KIF3A: variants seen among roughly 807,000 people sequenced by gnomAD.
KIF3A encodes kinesin family member 3A.
In KIF3A, 27 loss-of-function variants were observed where a neutral mutation model predicts 92.6. The observed-to-expected ratio is 0.29, with a 90% CI of 0.21 to 0.40. KIF3A has a LOEUF of 0.40. Among genes scored for constraint, KIF3A ranks in the 10% least tolerant of loss-of-function variants. The probability of loss-of-function intolerance (pLI) is 1.00; values close to 1 mark genes in which losing one functional copy is unlikely to be tolerated. For synonymous variants in KIF3A, 250 were observed against 275.4 expected, an observed-to-expected ratio of 0.91 and a Z score of 0.92; for missense variants, 581 against 872.6, an observed-to-expected ratio of 0.67 and a Z score of 4.21.
chr5:132,726,212 T>C lies in KIF3A; in HGVS notation c.426A>G (p.Arg142=), dbSNP rs1390234237. The change falls in exon 4 of 19, where the codon AGA becomes AGG. Residue 142 remains arginine, a splice_region_variant and synonymous_variant. Coordinates refer to ENST00000403231, the MANE Select transcript of KIF3A (RefSeq NM_001300791.2). The part of the protein sequence containing the change: ...GHIAKAEGDT[R]FLVRVSYLEI... ...CCAAATAAGACACTCGAACCAAAAATCTATAAAACATCATTTTTAAAAAGT... is the reference window on the plus strand; with the variant it reads ...CCAAATAAGACACTCGAACCAAAAACCTATAAAACATCATTTTTAAAAAGT... 6.2e-7 allele frequency: 1 copy of C among 1,602,670 alleles called. No homozygotes were observed. Among genetic ancestry groups the C allele is most frequent in the Non-Finnish European group, 8.5e-7 (1 of 1,174,896 alleles).
In KIF3A at chr5:132,724,734, T is replaced by A. The variant is rs1240235098; in HGVS notation, c.510+1394A>T. Among the ~76,000 whole-genome samples, 759 of 145,832 alleles carry A rather than the reference T, an allele frequency of 5.2e-3. 2 individuals carry two copies. The highest frequency in any genetic ancestry group is 0.018 in the African/African-American group (683 of 38,802). Reference sequence around the variant, plus strand: ...GTGCAGCACACCAACATGGCACATGTATACATATGTAACAAACCTGCACGT... The same window carrying A: ...GTGCAGCACACCAACATGGCACATGAATACATATGTAACAAACCTGCACGT... On this transcript the variant is annotated intron_variant, in intron 4 of 18. Coordinates refer to ENST00000403231, the MANE Select transcript of KIF3A (RefSeq NM_001300791.2).
intron 17 of KIF3A, 133 bp from the exon 18 acceptor site, chr5:132,699,428 C>A: frequency 2.4e-6 from 2 of 818,506 alleles, no homozygotes; most frequent in Non-Finnish European, 3.9e-6. Flanking sequence ...TGTCTAATGA[C>A]ATCATCTTCT....
At chr5:132,701,222 G>A (rs1753026064) in intron 15 of KIF3A, among the ~76,000 whole-genome samples, 2 of 152,052 alleles carry the variant, frequency 1.3e-5, no homozygotes, top group South Asian at 4.2e-4. Context: ...AATTGGCCAG[G>A]CATGGTGGTT....
intron 9 of KIF3A, 79 bp downstream of exon 9, chr5:132,710,880 G>T: frequency 6.3e-7 from 1 of 1,583,844 alleles, no homozygotes; most frequent in Non-Finnish European, 8.6e-7. Flanking sequence ...AACAGATAAC[G>T]GCAAAATAAA....
chr5:132,731,597 C>T (rs1270117653), intron 2 of KIF3A, among the ~76,000 whole-genome samples: 3 of 152,222 alleles, frequency 2.0e-5, no homozygotes, highest in Non-Finnish European at 2.9e-5. Context: ...AAAATGTCCA[C>T]TCTCACCACT....
intron 10 of KIF3A, among the ~76,000 whole-genome samples, chr5:132,708,064 A>ATGAGGTC (rs1753280617): frequency 6.6e-6 from 1 of 152,108 alleles, no homozygotes; most frequent in African/African-American, 2.4e-5. Flanking sequence ...CGGGCAGATC[A>ATGAGGTC]TGAGGTCAGG....
intron 10 of KIF3A, among the ~76,000 whole-genome samples, chr5:132,708,458 C>T (rs73256704): frequency 1.3e-5 from 2 of 152,104 alleles, no homozygotes; most frequent in African/African-American, 4.8e-5. Flanking sequence ...GAATAGGACA[C>T]CAAAGTGTAA....
intron 1 of KIF3A, 137 bp downstream of exon 1, chr5:132,737,277 A>T: frequency 1.0e-6 from 1 of 961,430 alleles, no homozygotes; most frequent in Non-Finnish European, 1.5e-6. Flanking sequence ...CTCTCCAACC[A>T]CCTCCACCGC....
intron 4 of KIF3A, among the ~76,000 whole-genome samples, chr5:132,725,107 G>A (rs571128685): frequency 1.2e-3 from 178 of 151,664 alleles, no homozygotes; most frequent in Middle Eastern, 3.4e-3. Flanking sequence ...AAATGGAAAT[G>A]TTCTTTCCAA....
chr5:132,724,985 T>TA (rs962686822), intron 4 of KIF3A, among the ~76,000 whole-genome samples: 3 of 147,214 alleles, frequency 2.0e-5, no homozygotes, highest in Admixed American at 6.8e-5. Context: ...ATAACAACAA[T>TA]AAAAAAAACT....
intron 2 of KIF3A, 33 bp from the exon 3 acceptor site, chr5:132,726,531 A>C (rs117686416): frequency 5.0e-6 from 8 of 1,588,388 alleles, no homozygotes; most frequent in Non-Finnish European, 6.0e-6. Flanking sequence ...GTTACTTCTT[A>C]AAGTCTAATG....
At chr5:132,727,991 T>C (rs759942245) in intron 2 of KIF3A, among the ~76,000 whole-genome samples, 3 of 152,166 alleles carry the variant, frequency 2.0e-5, no homozygotes, top group Non-Finnish European at 4.4e-5. Flanking sequence ...TTTTTACACA[T>C]GGGAATAAAA....
chr5:132,703,656 G>C (rs1342087340), intron 11 of KIF3A, 37 bp from the exon 12 acceptor site: 3 of 1,502,322 alleles, frequency 2.0e-6, no homozygotes, highest in South Asian at 1.2e-5. Context: ...TCACTAAAAT[G>C]AATCAATGTT....
At chr5:132,715,469 C>T (rs1421599012) in intron 8 of KIF3A, among the ~76,000 whole-genome samples, 1 of 152,108 alleles carries the variant, frequency 6.6e-6, no homozygotes, top group Non-Finnish European at 1.5e-5. Context: ...TGCTCTTATA[C>T]AGAGACAAAT....
Position 132,696,541 on chromosome 5 carries a change from A to T in KIF3A, c.*93T>A. The T allele has an allele frequency of 1.3e-6, 1 of 748,780 alleles. No individual in the cohort carries two copies. Among genetic ancestry groups the T allele is most frequent in the Non-Finnish European group, 2.3e-6 (1 of 431,720 alleles). The allele number at this position is 748,780 out of a possible 1,614,324, so 46.4% of individuals were successfully genotyped here. A position where few individuals can be genotyped will look rare whatever the true frequency, so the allele number is the denominator to read the frequency against. Reference sequence around the variant, plus strand: ...ATTGATCTACAACTTCCATTAATTGAAATTATAGAGAAGTCTTCACTGTTT... The same window carrying T: ...ATTGATCTACAACTTCCATTAATTGTAATTATAGAGAAGTCTTCACTGTTT... On this transcript the variant is annotated 3_prime_UTR_variant, in exon 19 of 19. Transcript: ENST00000403231.
chr5:132,700,440 GC>G (rs778414930), intron 16 of KIF3A, 156 bp from the exon 17 acceptor site: 9 of 652,598 alleles, frequency 1.4e-5, no homozygotes, highest in Non-Finnish European at 1.9e-5. Flanking sequence ...GTCCCACATA[GC>G]CCCTAACTCT....
chr5:132,712,213 G>C (rs534222448), intron 8 of KIF3A, among the ~76,000 whole-genome samples: 2 of 152,164 alleles, frequency 1.3e-5, no homozygotes, highest in South Asian at 4.1e-4. Flanking sequence ...CTACAGAAGG[G>C]ACCAGAGAGA....
rs369560157 is a variant in KIF3A, at chr5:132,715,886, T to C, written c.1000A>G (p.Ser334Gly). 6.2e-7 allele frequency: 1 copy of C among 1,603,208 alleles called. No individual in the cohort carries two copies. The highest frequency in any genetic ancestry group is 8.5e-7 in the Non-Finnish European group (1 of 1,174,928). Residue 334 changes from serine (S) to glycine (G), a missense_variant, in exon 8 of 19, where the codon AGT becomes GGT. Coordinates refer to ENST00000403231, the MANE Select transcript of KIF3A (RefSeq NM_001300791.2). ...PADYNYDETI[S>G]TLRYANRAKN... ...GCACGATTGGCATACCGTAATGTACTGATAGTTTCATCATAATTGTAATCT... is the reference window on the plus strand; with the variant it reads ...GCACGATTGGCATACCGTAATGTACCGATAGTTTCATCATAATTGTAATCT...
At chr5:132,736,370 T>C (rs1445402800) in intron 1 of KIF3A, among the ~76,000 whole-genome samples, 2 of 152,238 alleles carry the variant, frequency 1.3e-5, no homozygotes. Flanking sequence ...TACATGGCAA[T>C]ACATTCCAAT....
Sources: gnomAD v4.1 joint callset for allele counts (sites outside exome capture counted in the v4.1 genomes callset) on GRCh38, gnomAD v4.1.1 for gene constraint, MANE v1.5 for transcripts, NCBI Gene and HGNC (gene_info 2026-07-23, HGNC 2026-07-21) for gene names.